The following CELF2 variants were observed in gnomAD, a reference collection of about 807,000 sequenced individuals.
The protein encoded by CELF2 is CUGBP Elav-like family member 2.
Under a neutral mutation model 62.6 loss-of-function variants are expected in CELF2, and 8 were observed. The observed-to-expected ratio is 0.13, with a 90% CI of 0.07 to 0.23. CELF2 has a LOEUF of 0.23. Among genes scored for constraint, CELF2 ranks in the 10% least tolerant of loss-of-function variants. The pLI is 1.00. For missense variants in CELF2, 333 were observed against 671.0 expected (o/e 0.50, Z 5.56); for synonymous variants, 258 against 250.0 (o/e 1.03, Z -0.30).
intron 2 of CELF2, among the ~76,000 whole-genome samples, chr10:11,181,805 A>G (rs2073480608): frequency 6.6e-6 from 1 of 152,232 alleles, no homozygotes; most frequent in South Asian, 2.1e-4. Context: ...TAAAACAGTG[A>G]AGAACATTTC....
At chr10:10,822,199 G>A (rs1169245187) in intron 1 of CELF2, among the ~76,000 whole-genome samples, 5 of 152,212 alleles carry the variant, frequency 3.3e-5, no homozygotes, top group Non-Finnish European at 5.9e-5. Context: ...CACCACCTCT[G>A]CATCCCCAGA....
chr10:10,474,203 G>A, the CELF2 span, among the ~76,000 whole-genome samples: 1 of 152,044 alleles, frequency 6.6e-6, no homozygotes, highest in Non-Finnish European at 1.5e-5. Flanking sequence ...AGTTCTTAAG[G>A]AGGCAGAGGC....
At chr10:11,283,725 C>T (rs567121876) in intron 8 of CELF2, among the ~76,000 whole-genome samples, 85 of 148,598 alleles carry the variant, frequency 5.7e-4, no homozygotes, top group Non-Finnish European at 9.4e-4. Context: ...GAGGGGGACT[C>T]CCTGGCCTGA....
chr10:11,080,583 G>A (rs2141370976), intron 1 of CELF2, among the ~76,000 whole-genome samples: 1 of 152,348 alleles, frequency 6.6e-6, no homozygotes, highest in East Asian at 1.9e-4. Flanking sequence ...GAAAGTTTCT[G>A]TCTGCATTAA....
At chr10:10,949,061 A>T (rs1269501661) in intron 2 of CELF2, among the ~76,000 whole-genome samples, 1 of 152,128 alleles carries the variant, frequency 6.6e-6, no homozygotes, top group African/African-American at 2.4e-5. Flanking sequence ...CCCAGAGAGA[A>T]TTGGAGGAGG....
intron 2 of CELF2, among the ~76,000 whole-genome samples, chr10:10,986,518 T>C (rs2052768684): frequency 1.3e-5 from 2 of 151,838 alleles, no homozygotes; most frequent in Non-Finnish European, 2.9e-5. Flanking sequence ...TGGAAGTTAG[T>C]TAGGTATTGA....
intron 1 of CELF2, among the ~76,000 whole-genome samples, chr10:10,886,813 A>G (rs2061783001): frequency 6.6e-6 from 1 of 152,222 alleles, no homozygotes; most frequent in Non-Finnish European, 1.5e-5. Context: ...TCCAGCCTGG[A>G]TGACAGAGTG....
At position 11,012,016 on chromosome 10, in the gene CELF2, A is replaced by G. The variant is rs2056546135; in HGVS notation, c.53+6576A>G. Reference sequence around the variant, plus strand: ...ACATTGTACTTCTTATCTGAGGATCATGGTAGGCTTTGATTTTTCAGCCAT... The same window carrying G: ...ACATTGTACTTCTTATCTGAGGATCGTGGTAGGCTTTGATTTTTCAGCCAT... On this transcript the variant is annotated intron_variant, in intron 1 of 12. Coordinates refer to the CELF2 transcript ENST00000416382. This position sits in a 1 kb window ranked among gnomAD's most constrained non-coding sequence, Gnocchi z 5.5. Among the ~76,000 whole-genome samples, 1 of 152,218 alleles carries G rather than the reference A, an allele frequency of 6.6e-6. No homozygotes were observed. Among genetic ancestry groups the G allele is most frequent in the African/African-American group, 2.4e-5 (1 of 41,462 alleles).
At chr10:10,707,218 T>C in the CELF2 span, among the ~76,000 whole-genome samples, 2 of 152,218 alleles carry the variant, frequency 1.3e-5, no homozygotes, top group African/African-American at 2.4e-5. Flanking sequence ...AGGGTGCTAT[T>C]TTCAGATGCC....
intron 1 of CELF2, among the ~76,000 whole-genome samples, chr10:11,028,685 C>T (rs565222768): frequency 6.9e-6 from 1 of 144,596 alleles, no homozygotes; most frequent in South Asian, 2.2e-4. Flanking sequence ...TCCCAAAGTG[C>T]TAGGATTACA....
chr10:10,466,355 T>C, the CELF2 span, among the ~76,000 whole-genome samples: 1 of 152,168 alleles, frequency 6.6e-6, no homozygotes, highest in Non-Finnish European at 1.5e-5. Flanking sequence ...CGTACTGACT[T>C]TCAGATTCAT....
In CELF2 at chr10:10,861,470, C is replaced by G. The variant is rs574700639; in HGVS notation, c.54-58494C>G. Reference sequence around the variant, plus strand: ...CTCATAGTATGGAGGCAGCCTCAGACAAATTAATTTAACAACACATTTTTC... The same window carrying G: ...CTCATAGTATGGAGGCAGCCTCAGAGAAATTAATTTAACAACACATTTTTC... On this transcript the variant is annotated intron_variant, in intron 1 of 13. Coordinates refer to the CELF2 transcript ENST00000636488. Among the ~76,000 whole-genome samples, 72 of 152,222 alleles carry G rather than the reference C, an allele frequency of 4.7e-4. 2 individuals are homozygous for G. In the South Asian group the frequency reaches 0.015, roughly 31 times the overall value.
the CELF2 span, among the ~76,000 whole-genome samples, chr10:10,491,432 G>A: frequency 6.6e-6 from 1 of 152,100 alleles, no homozygotes; most frequent in Non-Finnish European, 1.5e-5. Flanking sequence ...TTGCTCTTTG[G>A]TATCTTCAGG....
Position 11,159,326 on chromosome 10 carries a change from G to T in CELF2, c.75-6160G>T, listed in dbSNP as rs1268451786. ...TGGATGCCACTACAGTTAAGACATA[G>T]CTGTGTCAGAAAGGTGGCAAACTCT... On this transcript the variant is annotated intron_variant, in intron 1 of 12. Transcript: ENST00000633077. The surrounding 1 kb of genome is among the most constrained non-coding windows in gnomAD (Gnocchi z 5.0). 2.0e-5 allele frequency among the ~76,000 whole-genome samples: 3 copies of T among 152,216 alleles called. No homozygotes were observed. The highest frequency in any genetic ancestry group is 7.2e-5 in the African/African-American group (3 of 41,466).
At chr10:10,564,496 G>A in the CELF2 span, among the ~76,000 whole-genome samples, 3 of 151,922 alleles carry the variant, frequency 2.0e-5, no homozygotes, top group East Asian at 5.8e-4. Flanking sequence ...CAAATCGCTG[G>A]AATTATGACT....
chr10:11,286,345 C>T (rs1387945024), intron 8 of CELF2, among the ~76,000 whole-genome samples: 4 of 152,240 alleles, frequency 2.6e-5, no homozygotes, highest in Admixed American at 6.5e-5. Flanking sequence ...GATTTTGGTG[C>T]TAAGCCCTGT....
chr10:11,072,789 A>G (rs554918312), intron 1 of CELF2, among the ~76,000 whole-genome samples: 1 of 151,780 alleles, frequency 6.6e-6, no homozygotes, highest in Admixed American at 6.6e-5. Flanking sequence ...CATTTGATTG[A>G]TATTCATTTA....
intron 1 of CELF2, among the ~76,000 whole-genome samples, chr10:11,053,861 G>A (rs80202709): frequency 3.3e-5 from 5 of 151,908 alleles, no homozygotes; most frequent in African/African-American, 7.3e-5. Context: ...TGATCCACCC[G>A]CCTCGGCCTC....
chr10:10,671,644 G>A, the CELF2 span, among the ~76,000 whole-genome samples: 1 of 151,998 alleles, frequency 6.6e-6, no homozygotes, highest in African/African-American at 2.4e-5. Flanking sequence ...GTGTACAGGT[G>A]TATCTCCTTG....
Sources: allele counts gnomAD v4.1 joint callset (sites outside exome capture counted in the v4.1 genomes callset), GRCh38; gene constraint gnomAD v4.1.1; non-coding constraint Gnocchi (gnomAD v3.1); transcripts MANE v1.5; gene names NCBI Gene and HGNC (gene_info 2026-07-23, HGNC 2026-07-21).